Variants in TAB3 observed in about 807,000 individuals in gnomAD.
TAB3 encodes the protein TGF-beta-activated kinase 1 and MAP3K7-binding protein 3.
Under a neutral mutation model 48.1 loss-of-function variants are expected in TAB3, and 18 were observed. The ratio of observed to expected loss-of-function variants is 0.37; its 90% CI spans 0.26 to 0.55. The LOEUF (loss-of-function observed/expected upper bound fraction) is 0.55. TAB3 is among the 20% of genes least tolerant of loss of function. The probability of loss-of-function intolerance (pLI) is 0.78; values close to 1 mark genes in which losing one functional copy is unlikely to be tolerated. For synonymous variants in TAB3, 185 were observed against 190.2 expected, an observed-to-expected ratio of 0.97 and a Z score of 0.22; for missense variants, 414 against 549.8, an observed-to-expected ratio of 0.75 and a Z score of 2.47.
intron 9 of TAB3, among the ~76,000 whole-genome samples, chrX:30,842,133 G>C (rs768380965): frequency 2.7e-5 from 3 of 112,452 alleles, no homozygotes; most frequent in Non-Finnish European, 3.8e-5. Flanking sequence ...TTAAACATTT[G>C]CTACATAAAA....
intron 1 of TAB3, among the ~76,000 whole-genome samples, chrX:30,887,410 A>G (rs1177617618): frequency 8.9e-6 from 1 of 112,429 alleles, no homozygotes; most frequent in African/African-American, 3.2e-5. Context: ...AGGACACTGA[A>G]AGCTTTCAAG....
chrX:30,828,862 G>C lies in TAB3; in HGVS notation c.*2565C>G, dbSNP rs533672841. The stretch of plus-strand genomic sequence containing the variant: ...ACTGACTACAAGATCCTTTTGAAAA[G>C]GCATCTTGAAAGTTGGGTGAATTCT... On this transcript the variant is annotated 3_prime_UTR_variant, in exon 11 of 11. Coordinates refer to ENST00000288422, the MANE Select transcript of TAB3 (RefSeq NM_152787.5). The C allele has an allele frequency of 8.9e-6, 1 of 111,976 alleles. No individual in the cohort carries two copies. Among genetic ancestry groups the C allele is most frequent in the Admixed American group, 9.5e-5 (1 of 10,553 alleles). The allele number at this position is 111,976 out of a possible 1,213,427, so 9.2% of individuals were successfully genotyped here. A position where few individuals can be genotyped will look rare whatever the true frequency, so the allele number is the denominator to read the frequency against.
At chrX:30,879,730 C>T (rs985703183) in intron 1 of TAB3, among the ~76,000 whole-genome samples, 3 of 111,168 alleles carry the variant, frequency 2.7e-5, no homozygotes, top group Admixed American at 1.9e-4. Context: ...GCATTATAAT[C>T]GAAATACTAG....
chrX:30,882,892 G>T (rs1569229186), intron 1 of TAB3, among the ~76,000 whole-genome samples: 1 of 111,644 alleles, frequency 9.0e-6, no homozygotes, highest in African/African-American at 3.3e-5. Flanking sequence ...TAGGAATTCT[G>T]TACAATCTTT....
chrX:30,855,249 G>T lies in TAB3; in HGVS notation c.416C>A (p.Pro139Gln). ...TCTGTTCTGTTCGTTCATAAAAAAT[G>T]GATTGTAGTTGGGAGTAGCAGCAAC... is the stretch of plus-strand genomic sequence containing the variant. ...AVVAATPNYN[P>Q]FFMNEQNRSA... Residue 139 changes from proline to glutamine, a missense_variant, in exon 6 of 11, where the codon CCA becomes CAA. Physicochemically the swap from Pro to Gln is moderately conservative, Grantham distance 76 (BLOSUM62 -1). Coordinates refer to ENST00000288422, the MANE Select transcript of TAB3 (RefSeq NM_152787.5). The T allele has an allele frequency of 2.5e-6, 3 of 1,211,745 alleles. No homozygotes were observed. Among genetic ancestry groups the T allele is most frequent in the Middle Eastern group, 2.3e-4 (1 of 4,353 alleles).
At chrX:30,844,022 A>C (rs147280760) in intron 8 of TAB3, 1 of 110,350 alleles carries the variant, frequency 9.1e-6, no homozygotes, top group Non-Finnish European at 1.9e-5. Flanking sequence ...AAAAATCACA[A>C]AAAAGCTGGT....
At chrX:30,875,208 T>C (rs1042337534) in intron 1 of TAB3, among the ~76,000 whole-genome samples, 4 of 112,484 alleles carry the variant, frequency 3.6e-5, no homozygotes, top group African/African-American at 6.5e-5. Context: ...CTGGCCATTA[T>C]AGCTGAAACA....
At chrX:30,888,378 T>C (rs1376528472) in intron 1 of TAB3, among the ~76,000 whole-genome samples, 1 of 112,455 alleles carries the variant, frequency 8.9e-6, no homozygotes, top group African/African-American at 3.2e-5. Context: ...TAAGTTACAT[T>C]TCAGTAGAAA....
Position 30,834,069 on chromosome X carries a change from G to C in TAB3, c.1972C>G (p.Gln658Glu). The C allele has an allele frequency of 8.3e-7, 1 of 1,211,113 alleles. No homozygotes were observed. The highest frequency in any genetic ancestry group is 3.0e-5 in the East Asian group (1 of 33,843). The change falls in exon 10 of 11, where the codon CAG becomes GAG. Residue 658 changes from glutamine to glutamate, a missense_variant. Gln to Glu is a conservative substitution (Grantham distance 29, BLOSUM62 2). Coordinates refer to ENST00000288422, the MANE Select transcript of TAB3 (RefSeq NM_152787.5). ...TACAAACCATCTGCAGCTGCTGCCT[G>C]GGTGTCATGGATGTCTGCCTGTACT... ...SKVQADIHDTQAAAADEHRTG... is the reference protein window; with the variant it reads ...SKVQADIHDTEAAAADEHRTG...
rs1176432136 is a variant in TAB3 at position 30,829,499 on chromosome X, T to C, written c.*1928A>G. The C allele has an allele frequency of 2.7e-5, 3 of 112,058 alleles. No homozygotes were observed. The East Asian group carries it at 8.4e-4, about 31-fold the overall frequency. The allele number at this position is 112,058 out of a possible 1,213,427, so 9.2% of individuals were successfully genotyped here. On this transcript the variant is annotated 3_prime_UTR_variant, in exon 11 of 11. Transcript: ENST00000288422. Reference sequence around the variant, plus strand: ...GAACAGTAGGACGGCTAGACTGTTATTGGAGACAGAGACCAGTGTTACAAA... The same window carrying C: ...GAACAGTAGGACGGCTAGACTGTTACTGGAGACAGAGACCAGTGTTACAAA...
intron 1 of TAB3, among the ~76,000 whole-genome samples, chrX:30,876,026 C>T (rs1330132947): frequency 2.7e-5 from 3 of 112,049 alleles, no homozygotes; most frequent in East Asian, 5.6e-4. Context: ...AGAGCCAAAA[C>T]AGAAGGACAA....
At position 30,855,211 on chromosome X, in the gene TAB3, G is replaced by C. The variant is rs752527673; in HGVS notation, c.454C>G (p.Pro152Ala). 3 of 1,210,019 alleles carry C rather than the reference G, an allele frequency of 2.5e-6. No individual in the cohort carries two copies. The highest frequency in any genetic ancestry group is 3.4e-6 in the Non-Finnish European group (3 of 895,271). Reference sequence around the variant, plus strand: ...GGCTGTTGAGGTGGTTGTGAAGGAGGAGTAGCTGCACTTCTGTTCTGTTCG... The same window carrying C: ...GGCTGTTGAGGTGGTTGTGAAGGAGCAGTAGCTGCACTTCTGTTCTGTTCG... ...MNEQNRSAAT[P>A]PSQPPQQPSS... Residue 152 changes from proline to alanine, a missense_variant, in exon 6 of 11, where the codon CCT becomes GCT. Coordinates refer to ENST00000288422, the MANE Select transcript of TAB3 (RefSeq NM_152787.5).
At chrX:30,856,454 G>A (rs1456040090) in intron 5 of TAB3, among the ~76,000 whole-genome samples, 1 of 111,870 alleles carries the variant, frequency 8.9e-6, no homozygotes, top group Non-Finnish European at 1.9e-5. Context: ...TTCCCTCTTT[G>A]TAAAATGTTA....
intron 9 of TAB3, chrX:30,835,342 T>G (rs1205816933): frequency 8.1e-6 from 1 of 123,331 alleles, no homozygotes; most frequent in Non-Finnish European, 1.9e-5. Context: ...AGAGTGAATG[T>G]CTCCTTAAGG....
chrX:30,846,575 C>G lies in TAB3; in HGVS notation c.1780G>C (p.Glu594Gln). The G allele has an allele frequency of 8.3e-7, 1 of 1,201,511 alleles. No homozygotes were observed. The highest frequency in any genetic ancestry group is 1.1e-6 in the Non-Finnish European group (1 of 888,459). Residue 594 changes from glutamate to glutamine, a missense_variant, in exon 8 of 11, where the codon GAA becomes CAA. Glu to Gln is a conservative substitution (Grantham distance 29, BLOSUM62 2). Transcript: ENST00000288422. ...CCTCTAGATTGAAGGAGGTCAACTT[C>G]TTTCAGTGTACAGTCAACATTTATC... ...LQINVDCTLK[E>Q]VDLLQSRGNF...
chrX:30,850,002 T>C (rs1938776482), intron 7 of TAB3, among the ~76,000 whole-genome samples: 1 of 112,146 alleles, frequency 8.9e-6, no homozygotes, highest in African/African-American at 3.2e-5. Context: ...CATATAATCC[T>C]AAGAAAAATC....
Position 30,852,921 on chromosome X carries a change from G to A in TAB3, c.1567C>T (p.Arg523Ter). Reference protein sequence around the residue: ...AYTQALLLHQRARMERLAKQL... With the variant: ...AYTQALLLHQ ...TTTGCTAACCTCTCCATCCTTGCTC[G>A]TTGATGTAACAGCAAGGCTACAGCA... The change falls in exon 7 of 11, where the codon CGA becomes TGA. Residue 523 changes from arginine (R) to a stop codon, truncating the protein, a stop_gained. Coordinates refer to ENST00000288422, the MANE Select transcript of TAB3 (RefSeq NM_152787.5). LOFTEE classifies it high-confidence loss of function. The A allele has an allele frequency of 8.3e-7, 1 of 1,210,062 alleles. No individual in the cohort carries two copies. Among genetic ancestry groups the A allele is most frequent in the Non-Finnish European group, 1.1e-6 (1 of 894,715 alleles).
chrX:30,887,779 C>T (rs1327516968), intron 1 of TAB3, among the ~76,000 whole-genome samples: 1 of 112,377 alleles, frequency 8.9e-6, no homozygotes, highest in Non-Finnish European at 1.9e-5. Flanking sequence ...ATCAAATAAA[C>T]ATATGGATGA....
intron 1 of TAB3, among the ~76,000 whole-genome samples, chrX:30,876,711 T>A (rs1939850128): frequency 9.0e-6 from 1 of 110,922 alleles, no homozygotes; most frequent in Admixed American, 9.6e-5. Flanking sequence ...GGTTTTGCCA[T>A]GTTGTCCGGG....
Sources: gnomAD v4.1 joint callset for allele counts (sites outside exome capture counted in the v4.1 genomes callset) on GRCh38, gnomAD v4.1.1 for gene constraint, MANE v1.5 for transcripts, NCBI Gene and HGNC (gene_info 2026-07-23, HGNC 2026-07-21) for gene names.